TNIK: variants seen among roughly 807,000 people sequenced by gnomAD.
TNIK encodes TRAF2 and NCK interacting kinase.
A neutral mutation model predicts 191.3 loss-of-function variants in TNIK; 49 were observed. That is an observed-to-expected ratio of 0.26 (90% CI 0.20 to 0.32). TNIK has a LOEUF of 0.32. Among genes scored for constraint, TNIK ranks in the 10% least tolerant of loss-of-function variants. TNIK has a pLI of 1.00. For synonymous variants in TNIK, 594 were observed against 600.9 expected, an observed-to-expected ratio of 0.99 and a Z score of 0.17; for missense variants, 1,155 against 1,702.3, an observed-to-expected ratio of 0.68 and a Z score of 5.66.
At chr3:171,071,712 A>T (rs1262958884) in intron 28 of TNIK, among the ~76,000 whole-genome samples, 5 of 152,148 alleles carry the variant, frequency 3.3e-5, no homozygotes, top group Non-Finnish European at 7.4e-5. Context: ...ATATGGCAAG[A>T]TGGTAGAAAA....
intron 29 of TNIK, among the ~76,000 whole-genome samples, chr3:171,069,389 G>A (rs1453328493): frequency 2.0e-5 from 3 of 152,280 alleles, no homozygotes; most frequent in Admixed American, 6.5e-5. Context: ...CCCATCCACA[G>A]CAACTACCCT....
intron 1 of TNIK, among the ~76,000 whole-genome samples, chr3:171,416,611 C>A (rs989908882): frequency 3.9e-5 from 6 of 152,166 alleles, no homozygotes; most frequent in Non-Finnish European, 8.8e-5. Flanking sequence ...TCACTATTCA[C>A]CCCTGCAAGT....
At chr3:171,384,807 C>T (rs2108529266) in intron 1 of TNIK, among the ~76,000 whole-genome samples, 1 of 152,260 alleles carries the variant, frequency 6.6e-6, no homozygotes, top group East Asian at 1.9e-4. Context: ...GAGCACATGA[C>T]TGAAAATGAC....
intron 7 of TNIK, among the ~76,000 whole-genome samples, chr3:171,185,134 A>G (rs927248125): frequency 2.6e-5 from 4 of 151,980 alleles, no homozygotes; most frequent in African/African-American, 9.7e-5. Context: ...GCCCTATTCA[A>G]AAGTAAATAC....
rs1028010453 is a variant in TNIK at position 171,135,769 on chromosome 3, A to G, written c.1608+2422T>C. ...ATCAGGAGTGCTTGATGACTCAGGC[A>G]TGTTGTTTGCATGCTCAAATGCTGT... On this transcript the variant is annotated intron_variant, in intron 15 of 32. Transcript: ENST00000436636. Among the ~76,000 whole-genome samples the G allele has an allele frequency of 2.6e-5, 4 of 152,290 alleles. No individual in the cohort carries two copies. The South Asian group carries it at 8.3e-4, about 32-fold the overall frequency.
At chr3:171,459,093 AG>A (rs762547868) in intron 1 of TNIK, among the ~76,000 whole-genome samples, 2 of 152,060 alleles carry the variant, frequency 1.3e-5, no homozygotes, top group African/African-American at 2.4e-5. Context: ...ATTCTATATC[AG>A]TGATGTCTTA....
At chr3:171,365,462 G>A (rs142713200) in intron 2 of TNIK, among the ~76,000 whole-genome samples, 8 of 151,982 alleles carry the variant, frequency 5.3e-5, no homozygotes, top group Admixed American at 2.0e-4. Flanking sequence ...GATTACAGGC[G>A]TGAGCCACCG....
At chr3:171,401,761 T>C (rs1720987267) in intron 1 of TNIK, among the ~76,000 whole-genome samples, 1 of 152,162 alleles carries the variant, frequency 6.6e-6, no homozygotes, top group Non-Finnish European at 1.5e-5. Flanking sequence ...TTCAGGGGGA[T>C]TTGGCATGAA....
chr3:171,346,989 G>A, intron 2 of TNIK: 1 of 658,350 alleles, frequency 1.5e-6, no homozygotes, highest in Non-Finnish European at 2.5e-6. Context: ...GAATGTAGGG[G>A]CTGCAAGGAT....
rs146346586 is a variant in TNIK, at chr3:171,153,881, C to T, written c.1221+3579G>A. ...TTTAGCATGCCACTCTCCTCCACCA[C>T]GGCAGTCATTGCTGTGATGATAAAT... On this transcript the variant is annotated intron_variant, in intron 12 of 32. Transcript: ENST00000436636. Among the ~76,000 whole-genome samples, 1,322 of 151,536 alleles carry T rather than the reference C, an allele frequency of 8.7e-3. 18 individuals are homozygous for T. The highest frequency in any genetic ancestry group is 0.03 in the African/African-American group (1,252 of 41,170).
chr3:171,265,939 G>C (rs1219614881), intron 2 of TNIK, among the ~76,000 whole-genome samples: 1 of 152,166 alleles, frequency 6.6e-6, no homozygotes, highest in East Asian at 1.9e-4. Context: ...ATGGCTCCTG[G>C]GGTCCCCAGA....
chr3:171,278,902 G>A (rs997932685), intron 2 of TNIK, among the ~76,000 whole-genome samples: 2 of 152,128 alleles, frequency 1.3e-5, no homozygotes, highest in African/African-American at 4.8e-5. Context: ...TCAGGGTGGA[G>A]GGGGATATTT....
intron 23 of TNIK, among the ~76,000 whole-genome samples, chr3:171,087,770 A>G (rs1721558979): frequency 6.6e-6 from 1 of 152,246 alleles, no homozygotes; most frequent in African/African-American, 2.4e-5. Flanking sequence ...AGTCCCATGT[A>G]CAGAGGGAGA....
chr3:171,381,869 G>A (rs748563715), intron 1 of TNIK, among the ~76,000 whole-genome samples: 2 of 152,172 alleles, frequency 1.3e-5, no homozygotes, highest in Non-Finnish European at 2.9e-5. Context: ...AGCCATTTCT[G>A]ATCCTGAGGT....
At chr3:171,358,196 A>G (rs1260047710) in intron 2 of TNIK, among the ~76,000 whole-genome samples, 1 of 152,198 alleles carries the variant, frequency 6.6e-6, no homozygotes, top group African/African-American at 2.4e-5. Context: ...AAAAATAACC[A>G]CAGCCCAGAC....
chr3:171,217,153 A>AC (rs1426315590), intron 3 of TNIK, among the ~76,000 whole-genome samples: 3 of 152,132 alleles, frequency 2.0e-5, no homozygotes, highest in Non-Finnish European at 2.9e-5. Flanking sequence ...CAACCTTGGT[A>AC]CCCATCAATG....
chr3:171,332,759 A>G (rs1756531342), intron 2 of TNIK, among the ~76,000 whole-genome samples: 3 of 152,222 alleles, frequency 2.0e-5, no homozygotes, highest in Admixed American at 2.0e-4. Flanking sequence ...TAGACACATA[A>G]AAGAATGATG....
Position 171,126,100 on chromosome 3 carries a change from G to A in TNIK, c.1825C>T (p.Gln609Ter). The change falls in exon 17 of 33, where the codon CAG becomes TAG. Residue 609 changes from glutamine to a stop codon, truncating the protein, a stop_gained. Coordinates refer to ENST00000436636, the MANE Select transcript of TNIK (RefSeq NM_015028.4). LOFTEE classifies it high-confidence loss of function. Reference protein sequence around the residue: ...KSQGPALTASQSVHEQPTKGL... With the variant: ...KSQGPALTAS ...TTTGTGGGCTGCTCGTGCACTGACT[G>A]GGAGGCGGTCAAGGCAGGTCCCTGG... The A allele has an allele frequency of 6.3e-7, 1 of 1,595,084 alleles. No individual in the cohort carries two copies. The highest frequency in any genetic ancestry group is 8.5e-7 in the Non-Finnish European group (1 of 1,170,568).
intron 2 of TNIK, among the ~76,000 whole-genome samples, chr3:171,342,765 T>C (rs1711510328): frequency 6.6e-6 from 1 of 152,258 alleles, no homozygotes; most frequent in Non-Finnish European, 1.5e-5. Context: ...CTATCCTTGA[T>C]ATGGTTTGGC....
Sources: gnomAD v4.1 joint callset for allele counts (sites outside exome capture counted in the v4.1 genomes callset) on GRCh38, gnomAD v4.1.1 for gene constraint, MANE v1.5 for transcripts, NCBI Gene and HGNC (gene_info 2026-07-23, HGNC 2026-07-21) for gene names.